SHC2: variants seen among roughly 807,000 people sequenced by gnomAD.
SHC2 encodes SHC adaptor protein 2.
SHC2 carries 62 observed loss-of-function variants against 60.6 expected under a neutral mutation model. The ratio of observed to expected loss-of-function variants is 1.02; its 90% CI spans 0.83 to 1.26. The LOEUF is 1.26. Among genes scored for constraint, SHC2 ranks in the 50% most tolerant of loss-of-function variants. The pLI, the probability that SHC2 is intolerant of heterozygous loss-of-function variation, is 0.00. For missense variants in SHC2, 873 were observed against 822.2 expected (o/e 1.06, Z -0.76); for synonymous variants, 375 against 372.4 (o/e 1.01, Z -0.08).
intron 1 of SHC2, among the ~76,000 whole-genome samples, chr19:458,146 G>A (rs1295857760): frequency 6.8e-6 from 1 of 148,088 alleles, no homozygotes; most frequent in Non-Finnish European, 1.5e-5. Flanking sequence ...TGGGTTCCGG[G>A]GAGACGGAAG....
At chr19:451,283 A>G (rs992490862) in intron 1 of SHC2, among the ~76,000 whole-genome samples, 18 of 118,862 alleles carry the variant, frequency 1.5e-4, no homozygotes, top group South Asian at 3.0e-4. Flanking sequence ...GTATTTCAGC[A>G]TGTGGATGGC....
rs773173193 is a variant in SHC2, at chr19:425,063, C to G, written c.1309+34G>C. 7.4e-7 allele frequency: 1 copy of G among 1,355,730 alleles called. No individual in the cohort carries two copies. The highest frequency in any genetic ancestry group is 1.5e-5 in the African/African-American group (1 of 66,838). 84.0% of individuals were successfully genotyped at this position (1,355,730 alleles called of 1,614,324 possible). ...TCCCCCATCAGACAACACGGCCACA[C>G]GCGATGACGGCCGCCCCCCAGGCTG... On this transcript the variant is annotated intron_variant, in intron 10 of 12. Transcript: ENST00000264554. The surrounding 1 kb of genome is among the most constrained non-coding windows in gnomAD (Gnocchi z 4.1).
intron 10 of SHC2, among the ~76,000 whole-genome samples, chr19:423,130 C>T (rs112929613): frequency 3.3e-5 from 5 of 149,396 alleles, no homozygotes; most frequent in South Asian, 4.4e-4. Context: ...GGGGTCCTCC[C>T]GCCCTGACCC....
At chr19:456,603 G>C (rs1975347896) in intron 1 of SHC2, among the ~76,000 whole-genome samples, 1 of 151,812 alleles carries the variant, frequency 6.6e-6, no homozygotes, top group South Asian at 2.1e-4. Context: ...CCCACAGAGA[G>C]AGTCCCGCTC....
rs1349253551 is a variant in SHC2 at position 440,595 on chromosome 19, G to A, written c.539+267C>T. Among the ~76,000 whole-genome samples, 10 of 152,214 alleles carry A rather than the reference G, an allele frequency of 6.6e-5. No individual in the cohort carries two copies. Among genetic ancestry groups the A allele is most frequent in the Non-Finnish European group, 1.3e-4 (9 of 68,036 alleles). On this transcript the variant is annotated intron_variant, in intron 2 of 12. Coordinates refer to ENST00000264554, the MANE Select transcript of SHC2 (RefSeq NM_012435.3). The surrounding 1 kb of genome is among the most constrained non-coding windows in gnomAD (Gnocchi z 7.0). ...CCCGCCAGGCCCTGCACCCCACGCC[G>A]TGCGGGGACTTGCCCAGCACCCTGT... is the stretch of plus-strand genomic sequence containing the variant.
In SHC2 at chr19:445,853, G is replaced by A. The variant is rs751753178; in HGVS notation, c.469-4921C>T. 6.6e-6 allele frequency among the ~76,000 whole-genome samples: 1 copy of A among 151,908 alleles called. No homozygotes were observed. Among genetic ancestry groups the A allele is most frequent in the Non-Finnish European group, 1.5e-5 (1 of 67,982 alleles). ...GTTTGAGACTAGCCTGGCCAACATG[G>A]AGAAACCCCAACTCTACTGAAAATA... On this transcript the variant is annotated intron_variant, in intron 1 of 12. Transcript: ENST00000264554. The surrounding 1 kb of genome is among the most constrained non-coding windows in gnomAD (Gnocchi z 4.4).
At chr19:460,504 C>T in intron 1 of SHC2, 25 bp downstream of exon 1, 2 of 958,550 alleles carry the variant, frequency 2.1e-6, no homozygotes, top group African/African-American at 2.1e-5. Flanking sequence ...CGAACGGGCT[C>T]CCGGGGGGGG....
At chr19:457,006 C>T (rs1209471734) in intron 1 of SHC2, among the ~76,000 whole-genome samples, 5 of 134,244 alleles carry the variant, frequency 3.7e-5, no homozygotes, top group African/African-American at 1.7e-4. Flanking sequence ...TGCTGTGCCC[C>T]GCCTAGAACT....
rs775904187 is a variant in SHC2, at chr19:436,469, C to T, written c.775-38G>A. 11 of 1,601,758 alleles carry T rather than the reference C, an allele frequency of 6.9e-6. 1 individual carries two copies. In the South Asian group the frequency reaches 1.1e-4, roughly 16 times the overall value. ...AGGGGCCAGCTGGACCTGCCTGGGC[C>T]CCCCACCGGGATTCCCAGCTGCCCA... On this transcript the variant is annotated intron_variant, in intron 5 of 12. Transcript: ENST00000264554.
In SHC2 at chr19:422,249, T is replaced by G; in HGVS notation, c.1517A>C (p.Asp506Ala). 2 of 1,612,472 alleles carry G rather than the reference T, an allele frequency of 1.2e-6. No individual in the cohort carries two copies. The highest frequency in any genetic ancestry group is 2.7e-5 in the African/African-American group (2 of 75,044). ...AAERMLRADG[D>A]FLVRDSVTNP... Reference sequence around the variant, plus strand: ...GGTGACGCTGTCTCGCACAAGGAAGTCCCCGTCAGCTCGAAGCATCCTCTC... The same window carrying G: ...GGTGACGCTGTCTCGCACAAGGAAGGCCCCGTCAGCTCGAAGCATCCTCTC... Residue 506 changes from aspartate to alanine, a missense_variant, in exon 11 of 13, where the codon GAC becomes GCC. Physicochemically the swap from Asp to Ala is moderately radical, Grantham distance 126. Transcript: ENST00000264554. This position sits in a 1 kb window ranked among gnomAD's most constrained non-coding sequence, Gnocchi z 5.0.
At chr19:458,841 CGGGGAGGCGGAAGCGGGTCCT>C (rs1225565838) in intron 1 of SHC2, among the ~76,000 whole-genome samples, 18 of 149,522 alleles carry the variant, frequency 1.2e-4, no homozygotes, top group Non-Finnish European at 2.2e-4. Flanking sequence ...AAGAGGGTTC[CGGGGAGGCGGAAGCGGGTCCT>C]GGGGAGGCAG....
intron 1 of SHC2, among the ~76,000 whole-genome samples, chr19:452,522 G>A (rs942134096): frequency 7.2e-6 from 1 of 138,122 alleles, no homozygotes; most frequent in African/African-American, 2.8e-5. Context: ...GTAGGTGTGC[G>A]TTTCTCCGTT....
intron 1 of SHC2, among the ~76,000 whole-genome samples, chr19:451,181 A>ACGCCGTGGCTG (rs1975183114): frequency 6.8e-6 from 1 of 147,960 alleles, no homozygotes; most frequent in African/African-American, 2.5e-5. Context: ...GTGGATGGCC[A>ACGCCGTGGCTG]TACCATAGCC....
intron 1 of SHC2, among the ~76,000 whole-genome samples, chr19:458,799 T>TGGGGAGGCGGAAGCGGGTTCC: frequency 1.2e-5 from 1 of 85,138 alleles, no homozygotes. Flanking sequence ...AAGCGGGTCC[T>TGGGGAGGCGGAAGCGGGTTCC]GGGGAGGCGG....
intron 8 of SHC2, among the ~76,000 whole-genome samples, chr19:434,268 A>ATGAG (rs1974650712): frequency 3.5e-4 from 1 of 2,886 alleles, no homozygotes; most frequent in Admixed American, 5.5e-3. Context: ...GAGTGAGATC[A>ATGAG]TGAGTGAGAT....
At chr19:436,466 G>C in intron 5 of SHC2, 35 bp from the exon 6 acceptor site, 3 of 1,602,090 alleles carry the variant, frequency 1.9e-6, no homozygotes, top group Non-Finnish European at 2.6e-6. Context: ...GACCTGCCTG[G>C]GCCCCCCACC....
chr19:437,816 T>A (rs1168329655), intron 4 of SHC2, among the ~76,000 whole-genome samples: 1 of 152,042 alleles, frequency 6.6e-6, no homozygotes, highest in Non-Finnish European at 1.5e-5. Flanking sequence ...GACAAGGCGA[T>A]GCCTCCTCTT....
rs774783642 is a variant in SHC2, at chr19:440,835, G to A, written c.539+27C>T. 8.8e-6 allele frequency: 14 copies of A among 1,597,328 alleles called. No individual in the cohort carries two copies. In the East Asian group the frequency reaches 8.9e-5, roughly 10 times the overall value. ...CCTCCAGTGCGTCACTCAGCCCTAC[G>A]CGGCCAGGGCAGGGTTGGAGGCTCA... On this transcript the variant is annotated intron_variant, in intron 2 of 12. Transcript: ENST00000264554. The surrounding 1 kb of genome is among the most constrained non-coding windows in gnomAD (Gnocchi z 7.0).
At chr19:456,979 G>T (rs117867957) in intron 1 of SHC2, among the ~76,000 whole-genome samples, 938 of 115,544 alleles carry the variant, frequency 8.1e-3, no homozygotes, top group Middle Eastern at 0.023. Flanking sequence ...CCACAGTCAG[G>T]CCTTTGCACC....
Sources: gnomAD v4.1 joint callset for allele counts (sites outside exome capture counted in the v4.1 genomes callset) on GRCh38, gnomAD v4.1.1 for gene constraint, Gnocchi (gnomAD v3.1) non-coding constraint, MANE v1.5 for transcripts, NCBI Gene and HGNC (gene_info 2026-07-23, HGNC 2026-07-21) for gene names.